The following TEX15 variants were observed in gnomAD, a reference collection of about 807,000 sequenced individuals.
The protein encoded by TEX15 is testis-expressed protein 15.
Under a neutral mutation model 237.3 loss-of-function variants are expected in TEX15, and 171 were observed. That is an observed-to-expected ratio of 0.72 (90% CI 0.64 to 0.82). TEX15 has a LOEUF of 0.82. TEX15 is among the 40% of genes least tolerant of loss of function. The pLI is 0.00. For missense variants in TEX15, 3,750 were observed against 3,646.5 expected (o/e 1.03, Z -0.73); for synonymous variants, 1,338 against 1,269.8 (o/e 1.05, Z -1.14).
At chr8:30,889,813 T>C (rs1380587792) in intron 2 of TEX15, among the ~76,000 whole-genome samples, 1 of 151,446 alleles carries the variant, frequency 6.6e-6, no homozygotes, top group Non-Finnish European at 1.5e-5. Flanking sequence ...CTTTGATATA[T>C]ATTTCTTTAT....
intron 3 of TEX15, among the ~76,000 whole-genome samples, chr8:30,880,455 T>C (rs1056569533): frequency 6.6e-6 from 1 of 152,166 alleles, no homozygotes; most frequent in Non-Finnish European, 1.5e-5. Flanking sequence ...TATACTTGGA[T>C]TTTCTTCCAC....
At chr8:30,868,316 T>C (rs1808218966) in intron 4 of TEX15, among the ~76,000 whole-genome samples, 1 of 152,006 alleles carries the variant, frequency 6.6e-6, no homozygotes, top group Non-Finnish European at 1.5e-5. Flanking sequence ...AGATATTCTA[T>C]ATGGCTTGCT....
At chr8:30,887,998 C>T (rs1808700019) in intron 2 of TEX15, among the ~76,000 whole-genome samples, 1 of 145,044 alleles carries the variant, frequency 6.9e-6, no homozygotes, top group South Asian at 2.2e-4. Flanking sequence ...CAAAAGTCTC[C>T]CTGCTCCTGA....
chr8:30,909,394 A>ACCCCCCCCCCCCCCC (rs35046956), intron 1 of TEX15, among the ~76,000 whole-genome samples: 16 of 118,396 alleles, frequency 1.4e-4, no homozygotes, highest in African/African-American at 3.9e-4. Flanking sequence ...TTAAAGACAG[A>ACCCCCCCCCCCCCCC]CCCCCCCCCG....
intron 1 of TEX15, among the ~76,000 whole-genome samples, chr8:30,901,764 T>C (rs1809010217): frequency 6.6e-6 from 1 of 152,166 alleles, no homozygotes; most frequent in Non-Finnish European, 1.5e-5. Context: ...TCTGAGGAAG[T>C]TTTCAAAGTC....
At chr8:30,889,565 GCTTA>G (rs1402039387) in intron 2 of TEX15, among the ~76,000 whole-genome samples, 1 of 152,112 alleles carries the variant, frequency 6.6e-6, no homozygotes, top group Non-Finnish European at 1.5e-5. Context: ...GTTCCTCAGT[GCTTA>G]CTTAGGATAA....
chr8:30,844,154 G>A lies in TEX15; in HGVS notation c.6013C>T (p.Gln2005Ter), dbSNP rs1375315892. 2 of 1,612,988 alleles carry A rather than the reference G, an allele frequency of 1.2e-6. No homozygotes were observed. The highest frequency in any genetic ancestry group is 4.5e-5 in the East Asian group (2 of 44,870). Reference protein sequence around the residue: ...ALIANLSQILQRADEASSLQI... With the variant: ...ALIANLSQIL ...AAAGATGATGCTTCATCTGCCCTCTGCAAAATTTGAGATAGATTAGCTATA... is the reference window on the plus strand; with the variant it reads ...AAAGATGATGCTTCATCTGCCCTCTACAAAATTTGAGATAGATTAGCTATA... The change falls in exon 8 of 11, where the codon CAG (glutamine) becomes TAG (stop). Residue 2005 changes from glutamine to a stop codon, truncating the protein, a stop_gained. Coordinates refer to ENST00000643185, the MANE Select transcript of TEX15 (RefSeq NM_001350162.2). LOFTEE classifies it high-confidence loss of function.
chr8:30,889,418 C>T (rs1036445055), intron 2 of TEX15, among the ~76,000 whole-genome samples: 1 of 152,106 alleles, frequency 6.6e-6, no homozygotes, highest in Non-Finnish European at 1.5e-5. Flanking sequence ...CACCATTGCA[C>T]TCCAGCCTGG....
chr8:30,911,698 G>A (rs920507197), intron 1 of TEX15, among the ~76,000 whole-genome samples: 1 of 152,238 alleles, frequency 6.6e-6, no homozygotes, highest in Admixed American at 6.5e-5. Flanking sequence ...CGAGTTGCCA[G>A]CGACCTCAGC....
chr8:30,894,581 A>AC (rs1457363736), intron 2 of TEX15, among the ~76,000 whole-genome samples: 1 of 152,234 alleles, frequency 6.6e-6, no homozygotes, highest in African/African-American at 2.4e-5. Context: ...ATGATGTTCC[A>AC]CAAGGGTGCC....
At position 30,859,907 on chromosome 8, in the gene TEX15, A is replaced by G. The variant is rs1808004660; in HGVS notation, c.687+4T>C. On this transcript the variant is annotated splice_donor_region_variant and intron_variant, in intron 6 of 10. Coordinates refer to ENST00000643185, the MANE Select transcript of TEX15 (RefSeq NM_001350162.2). The stretch of plus-strand genomic sequence containing the variant: ...TCAAGAAATCAAATGAACCATTAAC[A>G]TACTGCTGAACTGTAGGCTTGCAGT... The G allele has an allele frequency of 2.1e-6, 3 of 1,440,446 alleles. No individual in the cohort carries two copies. The highest frequency in any genetic ancestry group is 2.7e-6 in the Non-Finnish European group (3 of 1,104,898). 89.2% of individuals were successfully genotyped at this position (1,440,446 alleles called of 1,614,324 possible).
At chr8:30,850,595 A>G (rs1339851050) in intron 7 of TEX15, among the ~76,000 whole-genome samples, 1 of 152,190 alleles carries the variant, frequency 6.6e-6, no homozygotes, top group Admixed American at 6.5e-5. Context: ...ATATGACCAC[A>G]TATGAAGAGA....
intron 2 of TEX15, among the ~76,000 whole-genome samples, chr8:30,889,973 A>ATATATATATACATAT (rs1808764941): frequency 6.9e-6 from 1 of 145,294 alleles, no homozygotes; most frequent in African/African-American, 2.6e-5. Context: ...ATATATGTAT[A>ATATATATATACATAT]AGTAAAATCA....
chr8:30,832,418 G>C lies in TEX15; in HGVS notation c.*868C>G, dbSNP rs1056471581. ...GAGCAAGAAAGGTAATACATGAAAAGAGACAGCTCAAGACTGCAGTTACAT... is the reference window on the plus strand; with the variant it reads ...GAGCAAGAAAGGTAATACATGAAAACAGACAGCTCAAGACTGCAGTTACAT... On this transcript the variant is annotated 3_prime_UTR_variant, in exon 11 of 11. Transcript: ENST00000643185. 3 of 152,218 alleles carry C rather than the reference G, an allele frequency of 2.0e-5. No individual in the cohort carries two copies. The highest frequency in any genetic ancestry group is 7.2e-5 in the African/African-American group (3 of 41,458). The allele number at this position is 152,218 out of a possible 1,614,324, so 9.4% of individuals were successfully genotyped here.
chr8:30,910,842 G>T (rs1809201239), intron 1 of TEX15, among the ~76,000 whole-genome samples: 1 of 151,788 alleles, frequency 6.6e-6, no homozygotes, highest in Non-Finnish European at 1.5e-5. Flanking sequence ...GTAGGGTTCA[G>T]ATTTTAAAAT....
At chr8:30,893,968 T>C (rs1353421592) in intron 2 of TEX15, among the ~76,000 whole-genome samples, 4 of 152,208 alleles carry the variant, frequency 2.6e-5, no homozygotes, top group African/African-American at 7.2e-5. Flanking sequence ...TTAACCCTTC[T>C]TCATATCTAA....
chr8:30,838,943 G>A (rs1807382017), intron 9 of TEX15, among the ~76,000 whole-genome samples: 1 of 150,056 alleles, frequency 6.7e-6, no homozygotes, highest in Non-Finnish European at 1.5e-5. Flanking sequence ...AGCCTCCCAA[G>A]TAGCTGGGAC....
intron 2 of TEX15, among the ~76,000 whole-genome samples, chr8:30,892,799 C>T (rs374454985): frequency 1.3e-5 from 2 of 152,044 alleles, no homozygotes; most frequent in South Asian, 2.1e-4. Flanking sequence ...TTTGGGAGGC[C>T]GAGGCAGGCG....
chr8:30,912,343 CT>C (rs1809244135), intron 1 of TEX15, among the ~76,000 whole-genome samples: 1 of 12,972 alleles, frequency 7.7e-5, no homozygotes, highest in African/African-American at 2.7e-4. Flanking sequence ...CTCCCGCCCC[CT>C]CCCCGCCCCC....
Sources: gnomAD v4.1 joint callset for allele counts (sites outside exome capture counted in the v4.1 genomes callset) on GRCh38, gnomAD v4.1.1 for gene constraint, MANE v1.5 for transcripts, NCBI Gene and HGNC (gene_info 2026-07-23, HGNC 2026-07-21) for gene names.